SVOP: variants seen among roughly 807,000 people sequenced by gnomAD.
SVOP encodes SV2 related protein.
SVOP carries 17 observed loss-of-function variants against 69.1 expected under a neutral mutation model. That is an observed-to-expected ratio of 0.25 (90% CI 0.17 to 0.37). The LOEUF (loss-of-function observed/expected upper bound fraction) is 0.37. Ranked by LOEUF, SVOP falls within the 10% of genes least tolerant of loss-of-function variation. The pLI, the probability that SVOP is intolerant of heterozygous loss-of-function variation, is 1.00. For missense variants in SVOP, 435 were observed against 597.5 expected (o/e 0.73, Z 2.84); for synonymous variants, 238 against 238.6 (o/e 1.00, Z 0.02).
intron 6 of SVOP, among the ~76,000 whole-genome samples, chr12:108,947,666 T>C (rs2039932983): frequency 6.6e-6 from 1 of 152,182 alleles, no homozygotes; most frequent in Non-Finnish European, 1.5e-5. Flanking sequence ...TTCCTCAGAC[T>C]TGGGGCATGC....
intron 1 of SVOP, among the ~76,000 whole-genome samples, chr12:108,992,889 A>G (rs2040210372): frequency 6.6e-6 from 1 of 152,186 alleles, no homozygotes; most frequent in African/African-American, 2.4e-5. Context: ...AATAAAAAAT[A>G]AATAAAATGG....
chr12:108,936,921 G>C, intron 10 of SVOP: 1 of 288,694 alleles, frequency 3.5e-6, no homozygotes, highest in South Asian at 4.1e-5. Context: ...TATAAGCCTG[G>C]TTCAGCGGCT....
chr12:108,971,081 C>T (rs1025158090), intron 5 of SVOP, among the ~76,000 whole-genome samples: 4 of 151,894 alleles, frequency 2.6e-5, no homozygotes, highest in Admixed American at 6.6e-5. Flanking sequence ...ATTAACCCTC[C>T]AATACAGGTT....
chr12:108,981,724 G>T (rs2040136023), intron 2 of SVOP, among the ~76,000 whole-genome samples: 1 of 152,120 alleles, frequency 6.6e-6, no homozygotes, highest in African/African-American at 2.4e-5. Context: ...AGGATTAGAT[G>T]GATAAAACAT....
chr12:108,946,253 C>T (rs193219981), intron 6 of SVOP, among the ~76,000 whole-genome samples: 18 of 150,626 alleles, frequency 1.2e-4, no homozygotes, highest in South Asian at 4.3e-4. Context: ...CACACCACCA[C>T]GCCTGGCCAA....
At chr12:109,005,040 G>A (rs2040298153) in intron 1 of SVOP, among the ~76,000 whole-genome samples, 1 of 152,118 alleles carries the variant, frequency 6.6e-6, no homozygotes, top group South Asian at 2.1e-4. Flanking sequence ...GCCTAGCCAG[G>A]TATTTTAAAT....
intron 6 of SVOP, among the ~76,000 whole-genome samples, chr12:108,947,115 A>G (rs1022186574): frequency 6.6e-6 from 1 of 152,138 alleles, no homozygotes; most frequent in Non-Finnish European, 1.5e-5. Context: ...GCATGCCTCC[A>G]TCATTCCTTG....
chr12:108,989,820 A>T (rs150822551), intron 1 of SVOP, among the ~76,000 whole-genome samples: 135,295 of 152,212 alleles, frequency 0.89, 61,253 homozygotes, highest in Non-Finnish European at 0.99. Flanking sequence ...AATGTGAGGG[A>T]TTCATCACTG....
intron 5 of SVOP, among the ~76,000 whole-genome samples, chr12:108,966,642 G>A (rs2040047313): frequency 6.6e-6 from 1 of 152,110 alleles, no homozygotes; most frequent in South Asian, 2.1e-4. Flanking sequence ...TGCTGGGGAG[G>A]AGGAAGCTCT....
intron 11 of SVOP, among the ~76,000 whole-genome samples, chr12:108,923,439 C>A (rs1358815702): frequency 6.6e-6 from 1 of 152,064 alleles, no homozygotes; most frequent in Non-Finnish European, 1.5e-5. Flanking sequence ...GTCCTACAAC[C>A]ACAAGGAATT....
intron 1 of SVOP, among the ~76,000 whole-genome samples, chr12:108,989,744 AACCATATCT>A (rs2040188677): frequency 1.3e-5 from 2 of 152,360 alleles, no homozygotes; most frequent in South Asian, 4.1e-4. Flanking sequence ...AAAGAGCACC[AACCATATCT>A]GCTACAAAGA....
Position 108,910,863 on chromosome 12 carries a change from G to C in SVOP, c.*1672C>G, listed in dbSNP as rs1315453740. ...ACTGTCACTAGGACATGATGACAAT[G>C]AATAAACTTAGGCTCTTGCAATGTC... On this transcript the variant is annotated 3_prime_UTR_variant, in exon 16 of 16. Transcript: ENST00000610966. The C allele has an allele frequency of 1.3e-5, 2 of 152,206 alleles. No homozygotes were observed. 9.4% of individuals were successfully genotyped at this position (152,206 alleles called of 1,614,324 possible).
chr12:108,998,200 A>G (rs1029226981), intron 1 of SVOP, among the ~76,000 whole-genome samples: 1 of 152,258 alleles, frequency 6.6e-6, no homozygotes, highest in Non-Finnish European at 1.5e-5. Flanking sequence ...CAACTGGAAG[A>G]AAGAGTATCA....
At chr12:108,945,300 T>A in intron 6 of SVOP, 134 bp from the exon 7 acceptor site, 1 of 804,126 alleles carries the variant, frequency 1.2e-6, no homozygotes, top group Non-Finnish European at 2.0e-6. Flanking sequence ...TTTCCTGAGA[T>A]GATGTTGGTT....
chr12:108,938,556 A>G (rs979458577), intron 9 of SVOP, among the ~76,000 whole-genome samples: 6 of 152,238 alleles, frequency 3.9e-5, no homozygotes, highest in African/African-American at 1.4e-4. Context: ...TACAGGACCC[A>G]TTAGCAGAGG....
At chr12:108,959,646 G>A (rs375445861) in intron 6 of SVOP, among the ~76,000 whole-genome samples, 7 of 152,060 alleles carry the variant, frequency 4.6e-5, no homozygotes, top group Non-Finnish European at 8.8e-5. Flanking sequence ...GAGCCACCGC[G>A]CCTGGCCAGC....
At position 109,016,142 on chromosome 12, in the gene SVOP, G is replaced by T. The variant is rs146449409; in HGVS notation, c.35+4692C>A. On this transcript the variant is annotated intron_variant, in intron 1 of 15. Coordinates refer to ENST00000610966, the MANE Select transcript of SVOP (RefSeq NM_018711.5). ...GGCACTGTGCTGAGAGCTTCCCAGC[G>T]ATTATCTCTCTGATCCTTACAACAG... Among the ~76,000 whole-genome samples the T allele has an allele frequency of 4.7e-4, 72 of 152,280 alleles. 3 individuals carry two copies. In the East Asian group the frequency reaches 8.7e-3, roughly 18 times the overall value.
chr12:109,016,057 C>G (rs1267424919), intron 1 of SVOP, among the ~76,000 whole-genome samples: 1 of 152,206 alleles, frequency 6.6e-6, no homozygotes, highest in Non-Finnish European at 1.5e-5. Context: ...ATCAGGGAAA[C>G]GAATGCTGAG....
intron 1 of SVOP, 71 bp downstream of exon 1, chr12:109,020,763 C>CCG (rs1555254153): frequency 5.1e-6 from 2 of 392,568 alleles, no homozygotes; most frequent in Non-Finnish European, 1.0e-5. Context: ...TACCCCCCCC[C>CCG]ACCCCCCTTG....
Sources: allele counts gnomAD v4.1 joint callset (sites outside exome capture counted in the v4.1 genomes callset), GRCh38; gene constraint gnomAD v4.1.1; transcripts MANE v1.5; gene names NCBI Gene and HGNC (gene_info 2026-07-23, HGNC 2026-07-21).